SGCZ: variants seen among roughly 807,000 people sequenced by gnomAD.
SGCZ encodes zeta-sarcoglycan.
In SGCZ, 40 loss-of-function variants were observed where a neutral mutation model predicts 41.3. That is an observed-to-expected ratio of 0.97 (90% CI 0.75 to 1.26). The LOEUF (loss-of-function observed/expected upper bound fraction) is 1.26, where lower values mean the gene tolerates loss of function less well. Among genes scored for constraint, SGCZ ranks in the 50% most tolerant of loss-of-function variants. The pLI, the probability that SGCZ is intolerant of heterozygous loss-of-function variation, is 0.00. For synonymous variants in SGCZ, 206 were observed against 137.5 expected (o/e 1.50, Z -3.49); for missense variants, 552 against 369.8 (o/e 1.49, Z -4.04).
chr8:14,699,386 A>G (rs573816593), intron 1 of SGCZ, among the ~76,000 whole-genome samples: 2 of 151,926 alleles, frequency 1.3e-5, no homozygotes, highest in African/African-American at 4.8e-5. Flanking sequence ...ATATTCAATA[A>G]GTGGTGCTAG....
chr8:15,133,339 A>C (rs1387709184), intron 1 of SGCZ, among the ~76,000 whole-genome samples: 1 of 152,170 alleles, frequency 6.6e-6, no homozygotes, highest in Non-Finnish European at 1.5e-5. Context: ...ACTTGTTTTC[A>C]TAAGTCCAAA....
At chr8:14,599,799 G>C (rs1347823853) in intron 1 of SGCZ, among the ~76,000 whole-genome samples, 3 of 152,054 alleles carry the variant, frequency 2.0e-5, no homozygotes, top group Admixed American at 2.0e-4. Context: ...CCTCTCTTCA[G>C]AGAATCTCCT....
At chr8:14,658,986 T>C (rs532824668) in intron 1 of SGCZ, among the ~76,000 whole-genome samples, 56 of 152,232 alleles carry the variant, frequency 3.7e-4, no homozygotes, top group Middle Eastern at 6.8e-3. Context: ...AAAGAAGTTT[T>C]ACTAACTTAA....
chr8:14,801,071 T>C (rs1309647498), intron 1 of SGCZ, among the ~76,000 whole-genome samples: 1 of 152,238 alleles, frequency 6.6e-6, no homozygotes, highest in Non-Finnish European at 1.5e-5. Context: ...GACTGATAAG[T>C]TAGAAAGTCT....
chr8:14,459,370 A>G (rs1322759323), intron 2 of SGCZ, among the ~76,000 whole-genome samples: 4 of 152,158 alleles, frequency 2.6e-5, no homozygotes, highest in African/African-American at 4.8e-5. Flanking sequence ...ATACATATGT[A>G]ACAAACCTGC....
At chr8:14,917,432 T>C (rs1425234489) in intron 1 of SGCZ, among the ~76,000 whole-genome samples, 1 of 152,110 alleles carries the variant, frequency 6.6e-6, no homozygotes, top group Non-Finnish European at 1.5e-5. Context: ...CTAAATCAAA[T>C]CTCTTACAGT....
chr8:14,843,137 A>C (rs1260781919), intron 1 of SGCZ, among the ~76,000 whole-genome samples: 1 of 152,144 alleles, frequency 6.6e-6, no homozygotes, highest in Non-Finnish European at 1.5e-5. Context: ...GCTTGAACCC[A>C]GGAGGTGGAG....
chr8:15,130,309 G>T (rs532198083), intron 1 of SGCZ, among the ~76,000 whole-genome samples: 1 of 152,250 alleles, frequency 6.6e-6, no homozygotes, highest in Admixed American at 6.5e-5. Context: ...CCACTTGACG[G>T]GAAGTAATCT....
rs543857224 is a variant in SGCZ at position 14,558,394 on chromosome 8, G to A, written c.40-3468C>T. ...GTTTAAGACCAGCCTGGCCAACATG[G>A]GAAAATCCCATCTCTACCAAAAATA... is the stretch of plus-strand genomic sequence containing the variant. On this transcript the variant is annotated intron_variant, in intron 1 of 7. Transcript: ENST00000382080. Among the ~76,000 whole-genome samples the A allele has an allele frequency of 7.2e-5, 11 of 152,142 alleles. No homozygotes were observed. In the South Asian group the frequency reaches 1.9e-3, roughly 26 times the overall value.
chr8:14,915,395 A>T (rs2130782969), intron 1 of SGCZ, among the ~76,000 whole-genome samples: 1 of 152,252 alleles, frequency 6.6e-6, no homozygotes, highest in Admixed American at 6.5e-5. Flanking sequence ...TTTCTCTTTA[A>T]TGAAAAGCAG....
At chr8:14,267,570 ATAATATTCT>A (rs1481477266) in intron 3 of SGCZ, among the ~76,000 whole-genome samples, 1 of 152,076 alleles carries the variant, frequency 6.6e-6, no homozygotes, top group Non-Finnish European at 1.5e-5. Flanking sequence ...GCTATTATGC[ATAATATTCT>A]TAATTCCTCA....
chr8:14,281,468 TAGAA>T (rs1800436220), intron 3 of SGCZ, among the ~76,000 whole-genome samples: 1 of 39,072 alleles, frequency 2.6e-5, no homozygotes, highest in Non-Finnish European at 1.3e-4. Context: ...TTTTATATCA[TAGAA>T]CTTTGAGAAT....
chr8:15,162,051 T>A (rs142547834), intron 1 of SGCZ, among the ~76,000 whole-genome samples: 1 of 152,188 alleles, frequency 6.6e-6, no homozygotes, highest in African/African-American at 2.4e-5. Flanking sequence ...TATATGCCTA[T>A]AGAGATTTAC....
At chr8:14,513,922 T>C (rs1802537063) in intron 2 of SGCZ, among the ~76,000 whole-genome samples, 3 of 152,112 alleles carry the variant, frequency 2.0e-5, no homozygotes, top group South Asian at 2.1e-4. Context: ...ATTTCTTTAA[T>C]GGTCTTGAAA....
chr8:14,463,582 T>A (rs1008102614), intron 2 of SGCZ, among the ~76,000 whole-genome samples: 1 of 151,650 alleles, frequency 6.6e-6, no homozygotes, highest in African/African-American at 2.4e-5. Flanking sequence ...CTGGATTTGG[T>A]AATGATTTCT....
chr8:14,194,145 TTTTG>T (rs1036976461), intron 4 of SGCZ, among the ~76,000 whole-genome samples: 63 of 151,960 alleles, frequency 4.1e-4, no homozygotes, highest in African/African-American at 1.4e-3. Flanking sequence ...TATAAATAAT[TTTTG>T]TTTGTTAGAC....
chr8:14,145,745 A>C (rs1391002010), intron 5 of SGCZ, among the ~76,000 whole-genome samples: 2 of 152,200 alleles, frequency 1.3e-5, no homozygotes. Flanking sequence ...TAAATTTATC[A>C]AAGAGATTGA....
At chr8:14,460,866 C>T (rs1800883012) in intron 2 of SGCZ, among the ~76,000 whole-genome samples, 2 of 151,980 alleles carry the variant, frequency 1.3e-5, no homozygotes, top group East Asian at 3.8e-4. Flanking sequence ...TTTAATTATT[C>T]CTTAATATTT....
At chr8:15,146,562 A>G (rs1209714459) in intron 1 of SGCZ, among the ~76,000 whole-genome samples, 1 of 152,198 alleles carries the variant, frequency 6.6e-6, no homozygotes, top group Non-Finnish European at 1.5e-5. Context: ...TTAAAAATCA[A>G]AAGAATAGTT....
Sources: gnomAD v4.1 joint callset for allele counts (sites outside exome capture counted in the v4.1 genomes callset) on GRCh38, gnomAD v4.1.1 for gene constraint, MANE v1.5 for transcripts, NCBI Gene and HGNC (gene_info 2026-07-23, HGNC 2026-07-21) for gene names.